Variants in NSMAF observed in about 807,000 individuals in gnomAD.
The protein encoded by NSMAF is neutral sphingomyelinase activation associated factor.
A neutral mutation model predicts 134.9 loss-of-function variants in NSMAF; 90 were observed. The ratio of observed to expected loss-of-function variants is 0.67; its 90% CI spans 0.56 to 0.79. The LOEUF (loss-of-function observed/expected upper bound fraction) is 0.79, where lower values mean the gene tolerates loss of function less well. Among genes scored for constraint, NSMAF ranks in the 30% least tolerant of loss-of-function variants. The pLI is 0.00. For missense variants in NSMAF, 1,010 were observed against 1,119.0 expected (o/e 0.90, Z 1.39); for synonymous variants, 358 against 389.6 (o/e 0.92, Z 0.96).
chr8:58,605,381 G>T (rs560026876), intron 12 of NSMAF, among the ~76,000 whole-genome samples: 4 of 152,264 alleles, frequency 2.6e-5, no homozygotes, highest in African/African-American at 9.6e-5. Flanking sequence ...CTGAGTCTTG[G>T]TTCTCATAAA....
intron 2 of NSMAF, among the ~76,000 whole-genome samples, chr8:58,638,819 C>CA (rs1346397361): frequency 6.6e-6 from 1 of 152,106 alleles, no homozygotes; most frequent in African/African-American, 2.4e-5. Flanking sequence ...AAATAATTAA[C>CA]AAAGTCAAAA....
At chr8:58,589,406 C>T in intron 26 of NSMAF, 46 bp downstream of exon 26, 1 of 1,387,054 alleles carries the variant, frequency 7.2e-7, no homozygotes, top group Non-Finnish European at 9.4e-7. Context: ...ATACATATGC[C>T]ATATAGCACA....
intron 28 of NSMAF, chr8:58,586,202 G>A (rs1306064003): frequency 1.6e-6 from 1 of 631,282 alleles, no homozygotes; most frequent in Non-Finnish European, 2.8e-6. Context: ...CTTTGATTAT[G>A]AGTTCATTTT....
chr8:58,641,622 G>A (rs1409645820), intron 2 of NSMAF, among the ~76,000 whole-genome samples: 1 of 152,162 alleles, frequency 6.6e-6, no homozygotes, highest in African/African-American at 2.4e-5. Context: ...TCCATCATGT[G>A]GCCATTTCTT....
At chr8:58,588,296 G>A in intron 26 of NSMAF, 1 of 665,192 alleles carries the variant, frequency 1.5e-6, no homozygotes, top group Non-Finnish European at 2.6e-6. Context: ...TAAATAAAAT[G>A]TGTCTTTTAA....
chr8:58,591,098 C>T lies in NSMAF; in HGVS notation c.1952-164G>A, dbSNP rs550131476. 1.2e-5 allele frequency: 8 copies of T among 666,212 alleles called. No homozygotes were observed. The East Asian group carries it at 2.9e-4, about 24-fold the overall frequency. The allele number at this position is 666,212 out of a possible 1,614,324, so 41.3% of individuals were successfully genotyped here. ...GTAAACAGAGCTAGATGACCTAAGGCCTCATCCAACATTAAGATTCTATGA... is the reference window on the plus strand; with the variant it reads ...GTAAACAGAGCTAGATGACCTAAGGTCTCATCCAACATTAAGATTCTATGA... On this transcript the variant is annotated intron_variant, in intron 23 of 30. Coordinates refer to ENST00000038176, the MANE Select transcript of NSMAF (RefSeq NM_003580.4).
intron 10 of NSMAF, among the ~76,000 whole-genome samples, chr8:58,608,946 G>A (rs1475972397): frequency 6.6e-6 from 1 of 152,202 alleles, no homozygotes; most frequent in Non-Finnish European, 1.5e-5. Context: ...ATGCTAAAAA[G>A]TGGCCAGATC....
In NSMAF at chr8:58,623,250, C is replaced by T. The variant is rs150658908; in HGVS notation, c.527G>A (p.Arg176His). 5.1e-5 allele frequency: 82 copies of T among 1,610,266 alleles called. No individual in the cohort carries two copies. The highest frequency in any genetic ancestry group is 2.3e-4 in the Admixed American group (14 of 59,950). Reference sequence around the variant, plus strand: ...TTTGTCAAATGATGTTCTAGCTAAACGAGACTGCAAAATAGCTGTTATCTA... The same window carrying T: ...TTTGTCAAATGATGTTCTAGCTAAATGAGACTGCAAAATAGCTGTTATCTA... ...TAMITAILQS[R>H]LARTSFDKNR... Residue 176 changes from arginine (R) to histidine (H), a missense_variant, in exon 9 of 31, where the codon CGT (arginine) becomes CAT (histidine). Coordinates refer to ENST00000038176, the MANE Select transcript of NSMAF (RefSeq NM_003580.4).
chr8:58,589,910 G>T, intron 25 of NSMAF, 97 bp downstream of exon 25: 3 of 981,190 alleles, frequency 3.1e-6, no homozygotes, highest in Non-Finnish European at 4.8e-6. Flanking sequence ...ACAGTGCTGT[G>T]TCCTGGCAGG....
intron 23 of NSMAF, among the ~76,000 whole-genome samples, chr8:58,592,331 A>T (rs1806038016): frequency 6.6e-6 from 1 of 152,148 alleles, no homozygotes; most frequent in Admixed American, 6.5e-5. Flanking sequence ...GAAAAAGAAA[A>T]TAATAAAAGA....
rs11431046 is a variant in NSMAF, at chr8:58,624,035, ATTTTTTTTTTTTTT to A, written c.385-269_385-256del. Among the ~76,000 whole-genome samples the A allele has an allele frequency of 3.0e-5, 3 of 99,092 alleles. No individual in the cohort carries two copies. In the South Asian group the frequency reaches 1.1e-3, roughly 35 times the overall value. 65.0% of individuals were successfully genotyped at this position (99,092 alleles called of 152,430 possible). A position where few individuals can be genotyped will look rare whatever the true frequency, so the allele number is the denominator to read the frequency against. The stretch of plus-strand genomic sequence containing the variant: ...CAAACCCTTAAGGTATAGAGTTAGG[ATTTTTTTTTTTTTT>A]TTTTTTTTTTGAGACAGAGTCTTGT... On this transcript the variant is annotated intron_variant, in intron 6 of 30. Coordinates refer to ENST00000038176, the MANE Select transcript of NSMAF (RefSeq NM_003580.4).
At position 58,617,314 on chromosome 8, in the gene NSMAF, T is replaced by C. The variant is rs1268437075; in HGVS notation, c.557+5906A>G. Among the ~76,000 whole-genome samples, 3 of 151,922 alleles carry C rather than the reference T, an allele frequency of 2.0e-5. No individual in the cohort carries two copies. In the East Asian group the frequency reaches 5.8e-4, roughly 29 times the overall value. ...CAATAGCCAAAATAGACAAATGGGA[T>C]CTAATTAAACTAAAGAACTTCTGCA... On this transcript the variant is annotated intron_variant, in intron 9 of 30. Transcript: ENST00000038176.
intron 10 of NSMAF, 55 bp downstream of exon 10, chr8:58,609,549 T>C: frequency 6.2e-7 from 1 of 1,602,042 alleles, no homozygotes; most frequent in Non-Finnish European, 8.5e-7. Flanking sequence ...GAGGCCATGG[T>C]CTGGAAACAG....
intron 1 of NSMAF, 173 bp downstream of exon 1, chr8:58,659,400 C>A (rs1311840428): frequency 2.6e-6 from 4 of 1,514,936 alleles, no homozygotes; most frequent in Non-Finnish European, 3.5e-6. Flanking sequence ...GGCCTCTCAC[C>A]CCGACCTCAG....
chr8:58,618,426 T>C (rs1166916117), intron 9 of NSMAF, among the ~76,000 whole-genome samples: 1 of 151,912 alleles, frequency 6.6e-6, no homozygotes, highest in Non-Finnish European at 1.5e-5. Flanking sequence ...AGATATATTA[T>C]GGAATTATTG....
intron 1 of NSMAF, among the ~76,000 whole-genome samples, chr8:58,646,840 C>T (rs118011811): frequency 0.011 from 1,624 of 152,272 alleles, 63 homozygotes; most frequent in East Asian, 0.11. Flanking sequence ...CTTAGCCCTG[C>T]CCCTACATAT....
At chr8:58,620,382 G>A (rs1390575055) in intron 9 of NSMAF, among the ~76,000 whole-genome samples, 1 of 152,134 alleles carries the variant, frequency 6.6e-6, no homozygotes, top group Non-Finnish European at 1.5e-5. Context: ...CAAATAACTA[G>A]GGCACAGAAT....
intron 1 of NSMAF, among the ~76,000 whole-genome samples, chr8:58,655,959 C>T (rs973930920): frequency 1.3e-5 from 2 of 152,058 alleles, no homozygotes; most frequent in African/African-American, 4.8e-5. Flanking sequence ...CTCACCAACA[C>T]CTGCACAGGA....
intron 27 of NSMAF, 30 bp from the exon 28 acceptor site, chr8:58,586,638 C>G (rs147332065): frequency 6.4e-6 from 10 of 1,564,494 alleles, no homozygotes; most frequent in Middle Eastern, 1.7e-4. Context: ...GATACATATT[C>G]CATTAGATTT....
Sources: allele counts gnomAD v4.1 joint callset (sites outside exome capture counted in the v4.1 genomes callset), GRCh38; gene constraint gnomAD v4.1.1; transcripts MANE v1.5; gene names NCBI Gene and HGNC (gene_info 2026-07-23, HGNC 2026-07-21).